ARRB1: variants seen among roughly 807,000 people sequenced by gnomAD.
The protein encoded by ARRB1 is beta-arrestin-1.
Under a neutral mutation model 56.8 loss-of-function variants are expected in ARRB1, and 21 were observed. The observed-to-expected ratio is 0.37, with a 90% CI of 0.26 to 0.53. The LOEUF (loss-of-function observed/expected upper bound fraction) is 0.53, where lower values mean the gene tolerates loss of function less well. Ranked by LOEUF, ARRB1 falls within the 20% of genes least tolerant of loss-of-function variation. The probability of loss-of-function intolerance (pLI) is 0.88; values close to 1 mark genes in which losing one functional copy is unlikely to be tolerated. For missense variants in ARRB1, 424 were observed against 553.7 expected, an observed-to-expected ratio of 0.77 and a Z score of 2.35; for synonymous variants, 210 against 218.6, an observed-to-expected ratio of 0.96 and a Z score of 0.35.
chr11:75,330,736 C>T (rs1430154973), intron 1 of ARRB1, among the ~76,000 whole-genome samples: 2 of 152,162 alleles, frequency 1.3e-5, no homozygotes, highest in Non-Finnish European at 2.9e-5. Flanking sequence ...GGCATCATGA[C>T]CTTGTTCCAG....
chr11:75,294,608 A>C (rs1490502382), intron 1 of ARRB1, among the ~76,000 whole-genome samples: 16 of 39,312 alleles, frequency 4.1e-4, no homozygotes, highest in African/African-American at 1.1e-3. Context: ...TAAATAAATA[A>C]CTTAAAATAT....
intron 7 of ARRB1, among the ~76,000 whole-genome samples, chr11:75,278,994 A>G (rs998027680): frequency 1.3e-5 from 2 of 152,208 alleles, no homozygotes; most frequent in Non-Finnish European, 2.9e-5. Context: ...GGATGCTGAA[A>G]CAGGGACTAC....
intron 1 of ARRB1, among the ~76,000 whole-genome samples, chr11:75,344,328 G>C (rs1428430537): frequency 2.0e-5 from 3 of 152,174 alleles, no homozygotes; most frequent in African/African-American, 7.2e-5. Flanking sequence ...CAGAAGAAAG[G>C]TCACTCCTGG....
chr11:75,341,745 C>T (rs888360106), intron 1 of ARRB1, among the ~76,000 whole-genome samples: 2 of 152,200 alleles, frequency 1.3e-5, no homozygotes, highest in Admixed American at 1.3e-4. Flanking sequence ...TTAAAGAGTC[C>T]CTCGCTGAGG....
At chr11:75,273,033 C>T (rs1946106005) in intron 11 of ARRB1, 55 bp from the exon 12 acceptor site, 1 of 1,527,354 alleles carries the variant, frequency 6.5e-7, no homozygotes, top group Non-Finnish European at 9.0e-7. Context: ...GGGCGAGACA[C>T]CTCAGGGGTG....
intron 1 of ARRB1, among the ~76,000 whole-genome samples, chr11:75,328,524 G>C (rs1046431871): frequency 1.3e-5 from 2 of 152,140 alleles, no homozygotes; most frequent in African/African-American, 4.8e-5. Flanking sequence ...AGCCCCTGCC[G>C]CCCAAATGAA....
chr11:75,319,776 C>A (rs754330479), intron 1 of ARRB1, among the ~76,000 whole-genome samples: 3 of 152,124 alleles, frequency 2.0e-5, no homozygotes, highest in Non-Finnish European at 2.9e-5. Flanking sequence ...GGGAAAGGGA[C>A]CGTAAGGGTC....
chr11:75,271,633 T>A, intron 13 of ARRB1, 68 bp downstream of exon 13: 1 of 1,488,466 alleles, frequency 6.7e-7, no homozygotes, highest in Non-Finnish European at 9.1e-7. Context: ...GTGATTCTGG[T>A]CAGTCAAGCC....
chr11:75,304,316 T>A (rs1946971635), intron 1 of ARRB1, among the ~76,000 whole-genome samples: 1 of 152,160 alleles, frequency 6.6e-6, no homozygotes, highest in Non-Finnish European at 1.5e-5. Flanking sequence ...TCTCTGACTC[T>A]GTGTCCACTG....
In ARRB1 at chr11:75,310,949, G is replaced by A. The variant is rs538853110; in HGVS notation, c.21-20910C>T. On this transcript the variant is annotated intron_variant, in intron 1 of 15. Coordinates refer to ENST00000420843, the MANE Select transcript of ARRB1 (RefSeq NM_004041.5). Reference sequence around the variant, plus strand: ...CCACAGTGACCTTAAGGAGCAGAAGGGTCTGTTACAAATGTACTGCCCACA... The same window carrying A: ...CCACAGTGACCTTAAGGAGCAGAAGAGTCTGTTACAAATGTACTGCCCACA... 2.6e-5 allele frequency among the ~76,000 whole-genome samples: 4 copies of A among 152,232 alleles called. No homozygotes were observed. The East Asian group carries it at 5.8e-4, about 22-fold the overall frequency.
intron 1 of ARRB1, among the ~76,000 whole-genome samples, chr11:75,338,716 C>T (rs562705030): frequency 6.6e-6 from 1 of 152,190 alleles, no homozygotes; most frequent in Non-Finnish European, 1.5e-5. Flanking sequence ...ACAGTCAGCG[C>T]AGGGAGAAAC....
chr11:75,282,339 A>C (rs1479937436), intron 5 of ARRB1, among the ~76,000 whole-genome samples: 1 of 152,236 alleles, frequency 6.6e-6, no homozygotes, highest in Non-Finnish European at 1.5e-5. Context: ...TGGGACCTTA[A>C]TGACAAAAGT....
intron 1 of ARRB1, among the ~76,000 whole-genome samples, chr11:75,293,345 G>A (rs777794856): frequency 2.0e-5 from 3 of 152,098 alleles, no homozygotes; most frequent in Non-Finnish European, 2.9e-5. Context: ...CCTGTCTCCC[G>A]AGCCCATGTC....
intron 1 of ARRB1, 59 bp downstream of exon 1, chr11:75,351,529 C>T: frequency 1.3e-6 from 2 of 1,497,108 alleles, no homozygotes; most frequent in South Asian, 1.2e-5. Context: ...AGCCCCCGCC[C>T]GTGTCCTCGC....
rs532178464 is a variant in ARRB1, at chr11:75,276,867, T to G, written c.748A>C (p.Lys250Gln). The stretch of plus-strand genomic sequence containing the variant: ...GCCTCTTCCATGGCAACAGGGCACT[T>G]GTACTGAGCTGTGTTGAAAAGGCAG... ...DICLFNTAQY[K>Q]CPVAMEEADD... Residue 250 changes from lysine (K) to glutamine (Q), a missense_variant, in exon 10 of 16, where the codon AAG becomes CAG. Physicochemically the swap from Lys to Gln is moderately conservative, Grantham distance 53 (BLOSUM62 1). Coordinates refer to ENST00000420843, the MANE Select transcript of ARRB1 (RefSeq NM_004041.5). 4 of 1,614,112 alleles carry G rather than the reference T, an allele frequency of 2.5e-6. No individual in the cohort carries two copies. The Admixed American group carries it at 5.0e-5, about 20-fold the overall frequency.
intron 1 of ARRB1, among the ~76,000 whole-genome samples, chr11:75,314,761 CA>C (rs1302062413): frequency 6.6e-6 from 1 of 151,068 alleles, no homozygotes; most frequent in African/African-American, 2.4e-5. Flanking sequence ...GCCACACCAC[CA>C]CACCCAGCTC....
chr11:75,309,089 A>G (rs972294366), intron 1 of ARRB1, among the ~76,000 whole-genome samples: 7 of 152,384 alleles, frequency 4.6e-5, no homozygotes, highest in African/African-American at 1.7e-4. Flanking sequence ...TGGCGGCCCC[A>G]AAGCCCCTGC....
At chr11:75,274,278 C>T (rs1242730554) in intron 10 of ARRB1, 67 bp from the exon 11 acceptor site, 17 of 1,585,908 alleles carry the variant, frequency 1.1e-5, no homozygotes, top group Non-Finnish European at 1.4e-5. Flanking sequence ...TGATCTCCAG[C>T]CCAGCAGAAT....
intron 1 of ARRB1, among the ~76,000 whole-genome samples, chr11:75,292,019 CACT>C (rs1433591198): frequency 6.6e-6 from 1 of 152,236 alleles, no homozygotes; most frequent in Admixed American, 6.5e-5. Flanking sequence ...CCTCACCTCT[CACT>C]TCTGGGCTGG....
Sources: gnomAD v4.1 joint callset for allele counts (sites outside exome capture counted in the v4.1 genomes callset) on GRCh38, gnomAD v4.1.1 for gene constraint, MANE v1.5 for transcripts, NCBI Gene and HGNC (gene_info 2026-07-23, HGNC 2026-07-21) for gene names.